Variants in TRPC5OS observed in about 807,000 individuals in gnomAD.
The protein encoded by TRPC5OS is TRPC5 opposite strand.
For synonymous variants in TRPC5OS, 30 were observed against 29.3 expected (o/e 1.02, Z -0.08); for missense variants, 64 against 79.3 (o/e 0.81, Z 0.73).
At chrX:111,884,594 T>C (rs1049599564) in intron 1 of TRPC5OS, among the ~76,000 whole-genome samples, 2 of 112,254 alleles carry the variant, frequency 1.8e-5, no homozygotes, top group African/African-American at 6.5e-5. Flanking sequence ...CTGGGTAAGG[T>C]CTAGTCATAA....
chrX:111,898,391 C>T (rs1294000821), intron 3 of TRPC5OS, among the ~76,000 whole-genome samples: 1 of 108,807 alleles, frequency 9.2e-6, no homozygotes, highest in African/African-American at 3.3e-5. Context: ...CTCTCAGTCT[C>T]TGGGTTGCCT....
intron 1 of TRPC5OS, among the ~76,000 whole-genome samples, chrX:111,892,794 T>C (rs768118222): frequency 1.8e-5 from 2 of 111,923 alleles, no homozygotes; most frequent in East Asian, 5.6e-4. Context: ...ATTTTTGTAA[T>C]GCCTGCAGCC....
chrX:111,885,919 G>A (rs1924469301), intron 1 of TRPC5OS, among the ~76,000 whole-genome samples: 1 of 111,562 alleles, frequency 9.0e-6, no homozygotes, highest in African/African-American at 3.3e-5. Flanking sequence ...GTGAACTAAG[G>A]CAAGAAAACT....
chrX:111,894,069 G>A (rs1208304588), intron 1 of TRPC5OS, among the ~76,000 whole-genome samples: 3 of 111,266 alleles, frequency 2.7e-5, no homozygotes, highest in Non-Finnish European at 5.7e-5. Flanking sequence ...CACCGGAGAA[G>A]GGAACACTAT....
chrX:111,894,513 T>C (rs985979680), intron 1 of TRPC5OS, among the ~76,000 whole-genome samples: 17 of 111,649 alleles, frequency 1.5e-4, no homozygotes, highest in Admixed American at 7.6e-4. Context: ...CTTGTATCAA[T>C]TAAAAACTCG....
chrX:111,887,966 G>A (rs1033244411), intron 1 of TRPC5OS, among the ~76,000 whole-genome samples: 8 of 111,600 alleles, frequency 7.2e-5, no homozygotes, highest in Admixed American at 9.5e-5. Flanking sequence ...AAGTTAGAGC[G>A]GAATAAGGAA....
intron 1 of TRPC5OS, among the ~76,000 whole-genome samples, chrX:111,883,516 G>C (rs1924329825): frequency 8.9e-6 from 1 of 112,854 alleles, no homozygotes; most frequent in Non-Finnish European, 1.9e-5. Flanking sequence ...TTAAGACCTA[G>C]CTAGAGCCTA....
intron 1 of TRPC5OS, among the ~76,000 whole-genome samples, chrX:111,893,674 TCATATATTTTCAAGAAGGGGC>T (rs1391953938): frequency 9.0e-6 from 1 of 111,470 alleles, no homozygotes; most frequent in Non-Finnish European, 1.9e-5. Flanking sequence ...TTTGAATTTT[TCATATATTTTCAAGAAGGGGC>T]CATGTTTAGC....
rs1925452365 is a variant in TRPC5OS at position 111,903,357 on chromosome X, A to G, written c.*1172A>G. The G allele has an allele frequency of 8.9e-6, 1 of 112,365 alleles. No individual in the cohort carries two copies. Among genetic ancestry groups the G allele is most frequent in the Non-Finnish European group, 1.9e-5 (1 of 53,264 alleles). The allele number at this position is 112,365 out of a possible 1,213,427, so 9.3% of individuals were successfully genotyped here. ...GACGGTGTTTTCAGGAGAGAGAAGC[A>G]AATTAATAAATTGTCAACAGTTATG... On this transcript the variant is annotated 3_prime_UTR_variant, in exon 4 of 4. Transcript: ENST00000635763.
chrX:111,902,869 A>C lies in TRPC5OS; in HGVS notation c.*684A>C, dbSNP rs1406147907. The C allele has an allele frequency of 1.8e-5, 2 of 112,076 alleles. No individual in the cohort carries two copies. Among genetic ancestry groups the C allele is most frequent in the Non-Finnish European group, 3.8e-5 (2 of 53,169 alleles). 9.2% of individuals were successfully genotyped at this position (112,076 alleles called of 1,213,427 possible). On this transcript the variant is annotated 3_prime_UTR_variant, in exon 4 of 4. Transcript: ENST00000635763. Reference sequence around the variant, plus strand: ...TGCAAATTCTGACCACATTGTAGCTACTTTGCACTATTATTCCCCAAATGG... The same window carrying C: ...TGCAAATTCTGACCACATTGTAGCTCCTTTGCACTATTATTCCCCAAATGG...
chrX:111,902,233 C>A lies in TRPC5OS; in HGVS notation c.*48C>A. On this transcript the variant is annotated 3_prime_UTR_variant, in exon 4 of 4. Transcript: ENST00000635763. ...CCAGGGATGTGAAAACTGATCATTTCTCTGTTTTAATATATTCTTATTTTC... is the reference window on the plus strand; with the variant it reads ...CCAGGGATGTGAAAACTGATCATTTATCTGTTTTAATATATTCTTATTTTC... 2.3e-6 allele frequency: 2 copies of A among 853,678 alleles called. No individual in the cohort carries two copies. The highest frequency in any genetic ancestry group is 2.0e-5 in the African/African-American group (1 of 48,969). 70.4% of individuals were successfully genotyped at this position (853,678 alleles called of 1,213,427 possible). A position where few individuals can be genotyped will look rare whatever the true frequency, so the allele number is the denominator to read the frequency against.
chrX:111,878,948 C>T (rs1347008716), intron 1 of TRPC5OS, among the ~76,000 whole-genome samples: 1 of 111,819 alleles, frequency 8.9e-6, no homozygotes, highest in Non-Finnish European at 1.9e-5. Context: ...TGAATGGCTC[C>T]ATACTTGCAC....
At chrX:111,882,300 T>C (rs1924262366) in intron 1 of TRPC5OS, among the ~76,000 whole-genome samples, 1 of 111,661 alleles carries the variant, frequency 9.0e-6, no homozygotes, top group Non-Finnish European at 1.9e-5. Flanking sequence ...TAAGTACCTC[T>C]GGCTGCAAAG....
chrX:111,898,742 C>T (rs1925192089), intron 3 of TRPC5OS, among the ~76,000 whole-genome samples: 1 of 110,078 alleles, frequency 9.1e-6, no homozygotes, highest in Non-Finnish European at 1.9e-5. Context: ...TAGATACCAT[C>T]ATGCAAAAAT....
intron 3 of TRPC5OS, among the ~76,000 whole-genome samples, chrX:111,898,794 C>G (rs1925195473): frequency 9.1e-6 from 1 of 110,157 alleles, no homozygotes; most frequent in Admixed American, 9.7e-5. Flanking sequence ...AGGGGCTTTA[C>G]CCAGGTTGAG....
intron 1 of TRPC5OS, among the ~76,000 whole-genome samples, chrX:111,893,842 T>G (rs1924929716): frequency 8.9e-6 from 1 of 111,888 alleles, no homozygotes; most frequent in Non-Finnish European, 1.9e-5. Flanking sequence ...AGTTTGTAGC[T>G]TTTTCAAAAA....
intron 1 of TRPC5OS, among the ~76,000 whole-genome samples, chrX:111,892,115 C>T (rs892998792): frequency 8.9e-6 from 1 of 112,185 alleles, no homozygotes; most frequent in African/African-American, 3.2e-5. Flanking sequence ...GCATTTGCCA[C>T]AGAAACATAG....
intron 1 of TRPC5OS, among the ~76,000 whole-genome samples, chrX:111,876,596 T>C (rs1923955946): frequency 1.8e-5 from 2 of 111,735 alleles, no homozygotes; most frequent in Non-Finnish European, 3.8e-5. Flanking sequence ...TAAGACCTAA[T>C]GCCCTGAGGG....
chrX:111,885,746 T>G (rs1001066019), intron 1 of TRPC5OS, among the ~76,000 whole-genome samples: 3 of 111,062 alleles, frequency 2.7e-5, no homozygotes, highest in African/African-American at 9.8e-5. Flanking sequence ...GTATCAGAAG[T>G]GCAGTTTAAA....
Sources: gnomAD v4.1 joint callset for allele counts (sites outside exome capture counted in the v4.1 genomes callset) on GRCh38, gnomAD v4.1.1 for gene constraint, MANE v1.5 for transcripts, NCBI Gene and HGNC (gene_info 2026-07-23, HGNC 2026-07-21) for gene names.